The following EXOC6B variants were observed in gnomAD, a reference collection of about 807,000 sequenced individuals.
The protein encoded by EXOC6B is SEC15 homolog B.
EXOC6B carries 54 observed loss-of-function variants against 113.5 expected under a neutral mutation model. The observed-to-expected ratio is 0.48, with a 90% CI of 0.38 to 0.60. The LOEUF is 0.60. Ranked by LOEUF, EXOC6B falls within the 20% of genes least tolerant of loss-of-function variation. The pLI, the probability that EXOC6B is intolerant of heterozygous loss-of-function variation, is 0.00. For missense variants in EXOC6B, 797 were observed against 977.5 expected (o/e 0.82, Z 2.46); for synonymous variants, 357 against 339.0 (o/e 1.05, Z -0.58).
chr2:72,681,291 T>G (rs1190315429), intron 6 of EXOC6B, among the ~76,000 whole-genome samples: 1 of 152,162 alleles, frequency 6.6e-6, no homozygotes, highest in East Asian at 1.9e-4. Flanking sequence ...CCAACTCATA[T>G]TCACCCTCAA....
intron 20 of EXOC6B, among the ~76,000 whole-genome samples, chr2:72,196,734 A>C (rs1679195854): frequency 6.6e-6 from 1 of 152,202 alleles, no homozygotes; most frequent in East Asian, 1.9e-4. Context: ...TCAGACCTAT[A>C]GTGGTGGTAT....
chr2:72,434,254 C>T (rs531748977), intron 18 of EXOC6B, among the ~76,000 whole-genome samples: 1 of 152,130 alleles, frequency 6.6e-6, no homozygotes, highest in Non-Finnish European at 1.5e-5. Flanking sequence ...GGGATGAACC[C>T]AACTTGATCA....
At chr2:72,609,413 C>T (rs1345976736) in intron 6 of EXOC6B, among the ~76,000 whole-genome samples, 1 of 151,740 alleles carries the variant, frequency 6.6e-6, no homozygotes, top group Admixed American at 6.6e-5. Context: ...CAAATAGAAA[C>T]TCTAGTACTG....
At chr2:72,466,459 G>T (rs2105425595) in intron 17 of EXOC6B, among the ~76,000 whole-genome samples, 1 of 152,036 alleles carries the variant, frequency 6.6e-6, no homozygotes, top group Non-Finnish European at 1.5e-5. Context: ...ATCTAAGCAA[G>T]ATCTTAAATT....
chr2:72,492,306 G>A lies in EXOC6B; in HGVS notation c.1665+12C>T. 1 of 1,553,050 alleles carries A rather than the reference G, an allele frequency of 6.4e-7. No homozygotes were observed. Among genetic ancestry groups the A allele is most frequent in the Non-Finnish European group, 8.9e-7 (1 of 1,125,492 alleles). Reference sequence around the variant, plus strand: ...ATACTGGCTCGGCTGCCTTCATTAGGAGCAGGTTTACCTCAGTAAGCCCAA... The same window carrying A: ...ATACTGGCTCGGCTGCCTTCATTAGAAGCAGGTTTACCTCAGTAAGCCCAA... On this transcript the variant is annotated intron_variant, in intron 16 of 21. Transcript: ENST00000272427.
intron 18 of EXOC6B, among the ~76,000 whole-genome samples, chr2:72,384,462 C>T (rs187112105): frequency 9.2e-5 from 14 of 151,712 alleles, no homozygotes; most frequent in African/African-American, 3.1e-4. Flanking sequence ...AGGAACAAGA[C>T]AAGGGTGTGT....
intron 18 of EXOC6B, among the ~76,000 whole-genome samples, chr2:72,392,587 A>C (rs905218701): frequency 6.6e-6 from 1 of 152,168 alleles, no homozygotes; most frequent in Non-Finnish European, 1.5e-5. Flanking sequence ...CTGACTATTT[A>C]AACCTTTGAT....
intron 19 of EXOC6B, among the ~76,000 whole-genome samples, chr2:72,374,322 G>T (rs1300553940): frequency 6.6e-6 from 1 of 152,046 alleles, no homozygotes; most frequent in Non-Finnish European, 1.5e-5. Flanking sequence ...AGAAACTGTG[G>T]TACTTACACA....
intron 6 of EXOC6B, among the ~76,000 whole-genome samples, chr2:72,590,898 T>A (rs1705905333): frequency 6.6e-6 from 1 of 151,928 alleles, no homozygotes; most frequent in Non-Finnish European, 1.5e-5. Flanking sequence ...AAAAAGTTGA[T>A]CCCAATTTCT....
chr2:72,182,984 G>A (rs1320168851), intron 21 of EXOC6B: 1 of 1,019,184 alleles, frequency 9.8e-7, no homozygotes, highest in Non-Finnish European at 1.3e-6. Context: ...ACGTGGTCAG[G>A]AGAAAACTGC....
chr2:72,795,690 C>T (rs1684905076), intron 1 of EXOC6B, among the ~76,000 whole-genome samples: 2 of 152,162 alleles, frequency 1.3e-5, no homozygotes, highest in Non-Finnish European at 2.9e-5. Context: ...ATCACTGGAA[C>T]CTATGAATAT....
At chr2:72,774,613 G>A (rs927890733) in intron 1 of EXOC6B, among the ~76,000 whole-genome samples, 1 of 152,132 alleles carries the variant, frequency 6.6e-6, no homozygotes, top group Non-Finnish European at 1.5e-5. Context: ...ATATAAATCA[G>A]TACAGGAATG....
chr2:72,192,904 A>G (rs1295176004), intron 20 of EXOC6B, among the ~76,000 whole-genome samples: 1 of 152,180 alleles, frequency 6.6e-6, no homozygotes, highest in Non-Finnish European at 1.5e-5. Context: ...TTCAAATAAC[A>G]TGCTTTTCTG....
intron 18 of EXOC6B, among the ~76,000 whole-genome samples, chr2:72,432,325 C>T (rs1355755062): frequency 1.3e-5 from 2 of 152,160 alleles, no homozygotes; most frequent in African/African-American, 2.4e-5. Flanking sequence ...CAGTCTATCA[C>T]TGATGGGCAT....
intron 6 of EXOC6B, among the ~76,000 whole-genome samples, chr2:72,708,458 T>C (rs1679036144): frequency 6.6e-6 from 1 of 152,206 alleles, no homozygotes; most frequent in African/African-American, 2.4e-5. Context: ...ATCACCACCC[T>C]AATCAAGATA....
intron 7 of EXOC6B, among the ~76,000 whole-genome samples, chr2:72,561,666 C>T (rs1309309360): frequency 1.3e-5 from 2 of 152,000 alleles, no homozygotes; most frequent in African/African-American, 2.4e-5. Flanking sequence ...ATAACAAAGA[C>T]GTTTTGTTAC....
chr2:72,251,236 TA>T (rs1308739773), intron 20 of EXOC6B, among the ~76,000 whole-genome samples: 1 of 152,224 alleles, frequency 6.6e-6, no homozygotes, highest in Non-Finnish European at 1.5e-5. Flanking sequence ...CATTATAAAC[TA>T]ATCTCTTAGG....
chr2:72,585,307 G>A (rs1210046743), intron 6 of EXOC6B, among the ~76,000 whole-genome samples: 1 of 152,088 alleles, frequency 6.6e-6, no homozygotes, highest in Non-Finnish European at 1.5e-5. Flanking sequence ...TATCAGAAAT[G>A]ACAAAGATGG....
intron 10 of EXOC6B, 27 bp downstream of exon 10, chr2:72,514,605 AAT>A (rs58454184): frequency 0.01 from 1,574 of 151,138 alleles, 6 homozygotes; most frequent in African/African-American, 0.02. Flanking sequence ...TAAATAAATA[AAT>A]ATATATATAT....
Sources: allele counts gnomAD v4.1 joint callset (sites outside exome capture counted in the v4.1 genomes callset), GRCh38; gene constraint gnomAD v4.1.1; transcripts MANE v1.5; gene names NCBI Gene and HGNC (gene_info 2026-07-23, HGNC 2026-07-21).